Variants in NAV3 observed in about 807,000 individuals in gnomAD.
The protein encoded by NAV3 is pore membrane and/or filament interacting like protein 1.
Under a neutral mutation model 244.7 loss-of-function variants are expected in NAV3, and 87 were observed. The ratio of observed to expected loss-of-function variants is 0.36; its 90% CI spans 0.30 to 0.42. The LOEUF is 0.42. Among genes scored for constraint, NAV3 ranks in the 20% least tolerant of loss-of-function variants. The pLI, the probability that NAV3 is intolerant of heterozygous loss-of-function variation, is 1.00. For synonymous variants in NAV3, 1,126 were observed against 1,042.2 expected (o/e 1.08, Z -1.55); for missense variants, 2,663 against 2,893.3 (o/e 0.92, Z 1.83).
Position 78,188,787 on chromosome 12 carries a change from A to G in NAV3, c.6055+10A>G, listed in dbSNP as rs777810048. 3 of 1,606,990 alleles carry G rather than the reference A, an allele frequency of 1.9e-6. No individual in the cohort carries two copies. Among genetic ancestry groups the G allele is most frequent in the South Asian group, 2.2e-5 (2 of 90,476 alleles). ...ACTGTGAACCTCAAAGGTAAAAGCA[A>G]TAATGAAAAGCAAGGCAGAAATATA... On this transcript the variant is annotated intron_variant, in intron 33 of 39. Transcript: ENST00000397909.
intron 9 of NAV3, among the ~76,000 whole-genome samples, chr12:78,026,648 A>C (rs961097706): frequency 1.3e-5 from 2 of 152,170 alleles, no homozygotes; most frequent in East Asian, 3.8e-4. Flanking sequence ...AGATGACACA[A>C]TATTGAACTA....
chr12:78,205,180 A>G, intron 39 of NAV3, 42 bp downstream of exon 39: 2 of 1,561,990 alleles, frequency 1.3e-6, no homozygotes, highest in Non-Finnish European at 1.8e-6. Flanking sequence ...AATCTTGACT[A>G]CAGTGTATAG....
chr12:78,031,842 A>T (rs1436646721), intron 9 of NAV3, among the ~76,000 whole-genome samples: 2 of 151,774 alleles, frequency 1.3e-5, no homozygotes, highest in African/African-American at 4.8e-5. Flanking sequence ...ATATGTAACT[A>T]ACCTGCACAA....
rs73346623 is a variant in NAV3 at position 77,976,138 on chromosome 12, T to C, written c.671+7436T>C. ...CCATTTGCTGAAATGAAGAAAAAAA[T>C]ATGAGGAAAGGTTTGGTAGGGAGAA... On this transcript the variant is annotated intron_variant, in intron 5 of 39. Coordinates refer to ENST00000397909, the MANE Select transcript of NAV3 (RefSeq NM_001024383.2). Among the ~76,000 whole-genome samples the C allele has an allele frequency of 6.3e-3, 965 of 152,096 alleles. 14 individuals are homozygous for C. Among genetic ancestry groups the C allele is most frequent in the African/African-American group, 0.022 (928 of 41,504 alleles).
chr12:77,953,396 T>A (rs1348283289), intron 3 of NAV3, among the ~76,000 whole-genome samples: 1 of 152,144 alleles, frequency 6.6e-6, no homozygotes. Context: ...TGTGGATATA[T>A]GTGTGTGTAT....
upstream of NAV3, among the ~76,000 whole-genome samples, chr12:77,826,478 C>CCTGG (rs1873018978): frequency 2.0e-5 from 3 of 152,054 alleles, no homozygotes; most frequent in African/African-American, 7.2e-5. Flanking sequence ...GGTGACAGAG[C>CCTGG]GTGACTCTGT....
intron 2 of NAV3, among the ~76,000 whole-genome samples, chr12:77,773,235 T>TA: frequency 6.6e-6 from 1 of 151,992 alleles, no homozygotes; most frequent in South Asian, 2.1e-4. Flanking sequence ...AGCATTGTTT[T>TA]TTTTTTGGTT....
Position 77,875,383 on chromosome 12 carries a change from TCCTCA to T in NAV3, c.243+43681_243+43685del, listed in dbSNP as rs1390098598. On this transcript the variant is annotated intron_variant, in intron 1 of 39. Transcript: ENST00000397909. The stretch of plus-strand genomic sequence containing the variant: ...TTACCACACTTCTCAAAAGAGCACC[TCCTCA>T]CTTCTTACTCATTATCTTGCTTCAA... Among the ~76,000 whole-genome samples, 6 of 152,158 alleles carry T rather than the reference TCCTCA, an allele frequency of 3.9e-5. No individual in the cohort carries two copies. In the East Asian group the frequency reaches 9.7e-4, roughly 25 times the overall value.
At chr12:78,017,885 T>C (rs2136750102) in intron 8 of NAV3, among the ~76,000 whole-genome samples, 1 of 152,308 alleles carries the variant, frequency 6.6e-6, no homozygotes, top group Middle Eastern at 3.4e-3. Flanking sequence ...TTGGCATTGA[T>C]TGATCCTCTA....
intron 12 of NAV3, among the ~76,000 whole-genome samples, chr12:78,103,813 T>C (rs751990910): frequency 3.3e-5 from 5 of 152,202 alleles, no homozygotes; most frequent in African/African-American, 4.8e-5. Context: ...ACCACCCCCA[T>C]GATTCAAATG....
chr12:77,720,164 TC>T (rs1876546495), intron 2 of NAV3, among the ~76,000 whole-genome samples: 1 of 151,998 alleles, frequency 6.6e-6, no homozygotes, highest in South Asian at 2.1e-4. Flanking sequence ...TTTCTCTCTC[TC>T]TCTCTCTCTC....
At position 78,189,970 on chromosome 12, in the gene NAV3, G is replaced by C. The variant is rs1237003080; in HGVS notation, c.6056-14G>C. On this transcript the variant is annotated splice_polypyrimidine_tract_variant and intron_variant, in intron 33 of 39. Coordinates refer to ENST00000397909, the MANE Select transcript of NAV3 (RefSeq NM_001024383.2). ...GAACAATAAATCATGCTATTTTTTT[G>C]TTTCTTCTTTCAGGGGTAGAAGAAA... 1 of 1,580,310 alleles carries C rather than the reference G, an allele frequency of 6.3e-7. No individual in the cohort carries two copies. Among genetic ancestry groups the C allele is most frequent in the East Asian group, 2.3e-5 (1 of 44,432 alleles).
At chr12:77,907,686 C>G (rs1886134921) in intron 1 of NAV3, among the ~76,000 whole-genome samples, 1 of 152,002 alleles carries the variant, frequency 6.6e-6, no homozygotes, top group Non-Finnish European at 1.5e-5. Flanking sequence ...TGTAGGAGTC[C>G]TCATAACAAC....
At position 78,059,961 on chromosome 12, in the gene NAV3, A is replaced by ATGTGTG. The variant is rs55881265; in HGVS notation, c.2636+862_2636+867dup. Among the ~76,000 whole-genome samples the ATGTGTG allele has an allele frequency of 6.0e-5, 9 of 149,668 alleles. No homozygotes were observed. The South Asian group carries it at 1.5e-3, about 25-fold the overall frequency. ...CTTTATTGCCTCAAATTTCTTAAAG[A>ATGTGTG]TGTGTGTGTGTGTGTGTGTGTCTGT... On this transcript the variant is annotated intron_variant, in intron 12 of 39. Transcript: ENST00000397909.
chr12:77,686,206 C>T (rs1329387894), intron 2 of NAV3, among the ~76,000 whole-genome samples: 1 of 152,096 alleles, frequency 6.6e-6, no homozygotes, highest in African/African-American at 2.4e-5. Context: ...AATTCTCCTG[C>T]CTCAGCCTCT....
chr12:78,042,338 T>C (rs779200584), intron 9 of NAV3, among the ~76,000 whole-genome samples: 7 of 152,216 alleles, frequency 4.6e-5, no homozygotes, highest in Non-Finnish European at 1.0e-4. Context: ...GCTCATTAGA[T>C]ACAAACATTT....
intron 1 of NAV3, among the ~76,000 whole-genome samples, chr12:77,925,423 A>G (rs1226296758): frequency 2.0e-5 from 3 of 152,126 alleles, no homozygotes; most frequent in African/African-American, 7.2e-5. Flanking sequence ...ATTTTCCTTT[A>G]GCTAATATAT....
chr12:78,209,547 GA>G (rs564010938), intron 39 of NAV3, among the ~76,000 whole-genome samples: 1,473 of 128,496 alleles, frequency 0.011, 16 homozygotes, highest in African/African-American at 0.029. Context: ...CTTTTTTTCC[GA>G]AAAAAAAAAA....
At chr12:77,768,509 T>A (rs1372784422) in intron 2 of NAV3, among the ~76,000 whole-genome samples, 2 of 152,178 alleles carry the variant, frequency 1.3e-5, no homozygotes, top group African/African-American at 2.4e-5. Context: ...AGCAGGGGGC[T>A]AGTGAGTCAG....
Sources: gnomAD v4.1 joint callset for allele counts (sites outside exome capture counted in the v4.1 genomes callset) on GRCh38, gnomAD v4.1.1 for gene constraint, MANE v1.5 for transcripts, NCBI Gene and HGNC (gene_info 2026-07-23, HGNC 2026-07-21) for gene names.